Variants in ZNF292 observed in about 807,000 individuals in gnomAD.
ZNF292 encodes zinc finger protein 292.
ZNF292 carries 26 observed loss-of-function variants against 217.9 expected under a neutral mutation model. The ratio of observed to expected loss-of-function variants is 0.12; its 90% CI spans 0.09 to 0.17. ZNF292 has a LOEUF of 0.17. ZNF292 is among the 10% of genes least tolerant of loss of function. The pLI is 1.00. For synonymous variants in ZNF292, 1,257 were observed against 1,124.1 expected (o/e 1.12, Z -2.37); for missense variants, 2,904 against 3,175.2 (o/e 0.91, Z 2.05).
Position 87,254,994 on chromosome 6 carries a change from A to G in ZNF292, c.1365A>G (p.Gln455=), listed in dbSNP as rs750784885. 10 of 1,613,732 alleles carry G rather than the reference A, an allele frequency of 6.2e-6. No homozygotes were observed. Among genetic ancestry groups the G allele is most frequent in the African/African-American group, 4.0e-5 (3 of 74,928 alleles). The change falls in exon 8 of 8, where the codon CAA becomes CAG. Residue 455 remains glutamine (Q), a synonymous_variant. Coordinates refer to ENST00000369577, the MANE Select transcript of ZNF292 (RefSeq NM_015021.3). ...EFWDWKTLKR[Q]CLALMGEEAS... ...GGGATTGGAAAACCTTGAAACGACA[A>G]TGTCTTGCATTAATGGGAGAAGAAG... is the stretch of plus-strand genomic sequence containing the variant.
chr6:87,195,356 C>A (rs57952217), intron 1 of ZNF292, among the ~76,000 whole-genome samples: 1,596 of 152,242 alleles, frequency 0.01, 29 homozygotes, highest in African/African-American at 0.035. Context: ...TAGTATATAA[C>A]AACATAGTGT....
rs927599667 is a variant in ZNF292, at chr6:87,155,876, C to T, written c.168+117C>T. The T allele has an allele frequency of 8.4e-6, 11 of 1,316,080 alleles. No homozygotes were observed. The East Asian group carries it at 1.6e-4, about 19-fold the overall frequency. The allele number at this position is 1,316,080 out of a possible 1,614,324, so 81.5% of individuals were successfully genotyped here. Reference sequence around the variant, plus strand: ...TCCTTGGCATCATCGGCGCCTCCGCCTGGGTGGGAGCGGGAGTAGAAGGAA... The same window carrying T: ...TCCTTGGCATCATCGGCGCCTCCGCTTGGGTGGGAGCGGGAGTAGAAGGAA... On this transcript the variant is annotated intron_variant, in intron 1 of 7. Coordinates refer to ENST00000369577, the MANE Select transcript of ZNF292 (RefSeq NM_015021.3).
At chr6:87,197,440 A>T (rs1382755903) in intron 1 of ZNF292, among the ~76,000 whole-genome samples, 2 of 147,598 alleles carry the variant, frequency 1.4e-5, no homozygotes, top group African/African-American at 5.1e-5. Context: ...TTTTTTTTTA[A>T]AGCATTAAGT....
At position 87,174,070 on chromosome 6, in the gene ZNF292, G is replaced by GGACACCTAAAAGGCTCTCAGAATAGT. The variant is rs376960238; in HGVS notation, c.168+18313_168+18338dup. Reference sequence around the variant, plus strand: ...ACAACTTTCATGTTATATGCAATGGGGACACCTAAAAGGCTCTCAGAATAG... The same window carrying GGACACCTAAAAGGCTCTCAGAATAGT: ...ACAACTTTCATGTTATATGCAATGGGGACACCTAAAAGGCTCTCAGAATAGTGACACCTAAAAGGCTCTCAGAATAG... On this transcript the variant is annotated intron_variant, in intron 1 of 7. Coordinates refer to ENST00000369577, the MANE Select transcript of ZNF292 (RefSeq NM_015021.3). 6.5e-3 allele frequency: 1,424 copies of GGACACCTAAAAGGCTCTCAGAATAGT among 218,756 alleles called. 17 individuals carry two copies. The highest frequency in any genetic ancestry group is 0.032 in the African/African-American group (1,338 of 42,134). 13.6% of individuals were successfully genotyped at this position (218,756 alleles called of 1,614,324 possible). A position where few individuals can be genotyped will look rare whatever the true frequency, so the allele number is the denominator to read the frequency against.
intron 1 of ZNF292, among the ~76,000 whole-genome samples, chr6:87,168,091 A>G (rs1770974476): frequency 6.6e-6 from 1 of 152,218 alleles, no homozygotes; most frequent in African/African-American, 2.4e-5. Flanking sequence ...AGGCAAGACC[A>G]ACCAGATTGA....
chr6:87,192,498 C>T (rs919398413), intron 1 of ZNF292, among the ~76,000 whole-genome samples: 20 of 151,788 alleles, frequency 1.3e-4, no homozygotes, highest in Non-Finnish European at 2.5e-4. Flanking sequence ...ACAAAAAGGA[C>T]GATTTTACGT....
At chr6:87,177,558 A>T (rs1157934366) in intron 1 of ZNF292, among the ~76,000 whole-genome samples, 1 of 152,120 alleles carries the variant, frequency 6.6e-6, no homozygotes, top group African/African-American at 2.4e-5. Flanking sequence ...ACTTCTTTTT[A>T]AATCTGTCTT....
Position 87,181,522 on chromosome 6 carries a change from C to T in ZNF292, c.168+25763C>T, listed in dbSNP as rs555787745. ...GGTGGGCCAAAGGCAACTTTTTGGG[C>T]GCAAAAACAGGAATGGCTGTCCTCT... is the stretch of plus-strand genomic sequence containing the variant. On this transcript the variant is annotated intron_variant, in intron 1 of 7. Transcript: ENST00000369577. Among the ~76,000 whole-genome samples the T allele has an allele frequency of 1.1e-4, 16 of 152,140 alleles. 1 individual carries two copies. In the East Asian group the frequency reaches 1.9e-3, roughly 18 times the overall value.
intron 1 of ZNF292, among the ~76,000 whole-genome samples, chr6:87,177,342 T>C (rs932934783): frequency 3.4e-5 from 5 of 146,766 alleles, no homozygotes; most frequent in Non-Finnish European, 7.6e-5. Context: ...AAAAAAAAAA[T>C]GTTTTGAATC....
In ZNF292 at chr6:87,256,461, T is replaced by G; in HGVS notation, c.2832T>G (p.Asn944Lys). The change falls in exon 8 of 8, where the codon AAT becomes AAG. Residue 944 changes from asparagine to lysine, a missense_variant. This residue lies in a region of ZNF292 where 687 missense variants were observed against 623.0 expected (regional missense o/e 1.10). Transcript: ENST00000369577. ...CTGTGTCCATTAAGGTGTCTCTCAA[T>G]CAGGGGATTGAGGATAACTTTGGAA... is the stretch of plus-strand genomic sequence containing the variant. ...EVAVSIKVSL[N>K]QGIEDNFGKQ... The G allele has an allele frequency of 1.2e-6, 2 of 1,608,662 alleles. No individual in the cohort carries two copies. The highest frequency in any genetic ancestry group is 4.5e-5 in the East Asian group (2 of 44,880).
At position 87,265,156 on chromosome 6, in the gene ZNF292, A is replaced by G. The variant is rs925877810; in HGVS notation, c.*3355A>G. Reference sequence around the variant, plus strand: ...GAGACAGAGTCTCGCTCTGTTGCCCAGGCTGGAGTGCAGTGTTGCACGATC... The same window carrying G: ...GAGACAGAGTCTCGCTCTGTTGCCCGGGCTGGAGTGCAGTGTTGCACGATC... On this transcript the variant is annotated 3_prime_UTR_variant, in exon 8 of 8. Transcript: ENST00000369577. Among the ~76,000 whole-genome samples, 3 of 151,556 alleles carry G rather than the reference A, an allele frequency of 2.0e-5. No individual in the cohort carries two copies. The highest frequency in any genetic ancestry group is 7.3e-5 in the African/African-American group (3 of 41,170).
At position 87,218,676 on chromosome 6, in the gene ZNF292, GA is replaced by G; in HGVS notation, c.488del (p.Asn163ThrfsTer18). ...CTCTAGCTCAAGAGACTGGGGTGTG[GA>G]AAAACCCGGTACTGTGCACTATTCT... The part of the protein sequence containing the change: ...ATLAQETGVW[K>X]NPVLCTILSQ... On this transcript the variant is annotated frameshift_variant, in exon 4 of 8. Coordinates refer to ENST00000369577, the MANE Select transcript of ZNF292 (RefSeq NM_015021.3). LOFTEE classifies it high-confidence loss of function. 6.3e-7 allele frequency: 1 copy of G among 1,596,218 alleles called. No homozygotes were observed. Among genetic ancestry groups the G allele is most frequent in the South Asian group, 1.1e-5 (1 of 87,160 alleles).
intron 1 of ZNF292, among the ~76,000 whole-genome samples, chr6:87,175,511 A>G (rs1771256997): frequency 6.6e-6 from 1 of 151,962 alleles, no homozygotes; most frequent in Admixed American, 6.6e-5. Flanking sequence ...AATTTTTAAG[A>G]ATTTTTTTGT....
rs770104447 is a variant in ZNF292 at position 87,261,755 on chromosome 6, T to C, written c.8126T>C (p.Met2709Thr). 1.2e-5 allele frequency: 20 copies of C among 1,612,788 alleles called. 1 individual carries two copies. Among genetic ancestry groups the C allele is most frequent in the African/African-American group, 6.7e-5 (5 of 74,864 alleles). The change falls in exon 8 of 8, where the codon ATG (methionine) becomes ACG (threonine). Residue 2709 changes from methionine to threonine, a missense_variant. By Grantham distance (81) the Met-to-Thr change is moderately conservative. This residue lies in a region of ZNF292 where 380 missense variants were observed against 355.3 expected (regional missense o/e 1.07). Coordinates refer to ENST00000369577, the MANE Select transcript of ZNF292 (RefSeq NM_015021.3). ...TCAAATGATCCAGATATGTCTGTTA[T>C]GAAAGATATCAGTATAGGTAAAGCC... is the stretch of plus-strand genomic sequence containing the variant. ...VHSNDPDMSV[M>T]KDISIGKATG...
intron 5 of ZNF292, among the ~76,000 whole-genome samples, chr6:87,242,542 C>A (rs1774344920): frequency 6.6e-6 from 1 of 152,170 alleles, no homozygotes; most frequent in African/African-American, 2.4e-5. Context: ...GAGAGAAAAT[C>A]AACTAGGAGA....
intron 3 of ZNF292, among the ~76,000 whole-genome samples, chr6:87,218,299 A>G (rs1582439316): frequency 6.6e-6 from 1 of 152,136 alleles, no homozygotes. Context: ...TTTTATGCGT[A>G]TGGATATTCT....
At chr6:87,218,339 C>T (rs1432533654) in intron 3 of ZNF292, among the ~76,000 whole-genome samples, 1 of 151,960 alleles carries the variant, frequency 6.6e-6, no homozygotes, top group Admixed American at 6.6e-5. Flanking sequence ...AACTTTACTC[C>T]TGGCTTAGAT....
rs368623280 is a variant in ZNF292, at chr6:87,245,581, A to G, written c.957A>G (p.Gln319=). The stretch of plus-strand genomic sequence containing the variant: ...AAGTGTACCTTGAGAGGTGTCGTCA[A>G]CTTTCTTTGTTAACGAAAACAGTAT... ...SIQVYLERCR[Q]LSLLTKTVYH... The change falls in exon 7 of 8, where the codon CAA becomes CAG. Residue 319 remains glutamine (Q), a synonymous_variant. Coordinates refer to ENST00000369577, the MANE Select transcript of ZNF292 (RefSeq NM_015021.3). 431 of 1,565,116 alleles carry G rather than the reference A, an allele frequency of 2.8e-4. No homozygotes were observed. The highest frequency in any genetic ancestry group is 2.9e-4 in the Non-Finnish European group (332 of 1,150,186).
At chr6:87,222,717 A>G in intron 4 of ZNF292, 1 of 429,552 alleles carries the variant, frequency 2.3e-6, no homozygotes, top group South Asian at 1.7e-5. Flanking sequence ...TAATTAATCC[A>G]TAATTTATTC....
Sources: gnomAD v4.1 joint callset for allele counts (sites outside exome capture counted in the v4.1 genomes callset) on GRCh38, gnomAD v4.1.1 for gene constraint, gnomAD v4.1.1 regional missense constraint, MANE v1.5 for transcripts, NCBI Gene and HGNC (gene_info 2026-07-23, HGNC 2026-07-21) for gene names.